Variants in ZEB1 observed in about 807,000 individuals in gnomAD.
The protein encoded by ZEB1 is zinc finger E-box-binding homeobox 1.
A neutral mutation model predicts 84.9 loss-of-function variants in ZEB1; 21 were observed. The observed-to-expected ratio is 0.25, with a 90% CI of 0.18 to 0.36. The LOEUF (loss-of-function observed/expected upper bound fraction) is 0.36, where lower values mean the gene tolerates loss of function less well. Among genes scored for constraint, ZEB1 ranks in the 10% least tolerant of loss-of-function variants. The probability of loss-of-function intolerance (pLI) is 1.00; values close to 1 mark genes in which losing one functional copy is unlikely to be tolerated. For synonymous variants in ZEB1, 420 were observed against 471.1 expected (o/e 0.89, Z 1.41); for missense variants, 1,104 against 1,330.2 (o/e 0.83, Z 2.65).
At chr10:31,463,799 G>A (rs1309694357) in intron 2 of ZEB1, among the ~76,000 whole-genome samples, 1 of 152,134 alleles carries the variant, frequency 6.6e-6, no homozygotes, top group Non-Finnish European at 1.5e-5. Flanking sequence ...TTGGCACCAG[G>A]CAGAAGTAAA....
intron 1 of ZEB1, chr10:31,320,653 T>A (rs1182141479): frequency 1.3e-5 from 2 of 152,010 alleles, no homozygotes; most frequent in East Asian, 1.9e-4. Flanking sequence ...GACCTGAACA[T>A]GTGGTGGTGG....
chr10:31,511,410 T>G (rs566519609), intron 5 of ZEB1, among the ~76,000 whole-genome samples: 14 of 152,284 alleles, frequency 9.2e-5, no homozygotes, highest in African/African-American at 3.1e-4. Context: ...GACTCAATTT[T>G]TATATGGTTT....
At chr10:31,367,316 G>A (rs1159340032) in intron 1 of ZEB1, among the ~76,000 whole-genome samples, 1 of 152,078 alleles carries the variant, frequency 6.6e-6, no homozygotes, top group East Asian at 1.9e-4. Context: ...CCCCAACTTT[G>A]GTGTGATACT....
intron 1 of ZEB1, among the ~76,000 whole-genome samples, chr10:31,422,719 G>A (rs553203743): frequency 5.3e-5 from 8 of 152,154 alleles, no homozygotes; most frequent in African/African-American, 1.9e-4. Context: ...GGTTTGCTAT[G>A]TGGATATATT....
chr10:31,517,210 G>T (rs982826575), intron 6 of ZEB1, among the ~76,000 whole-genome samples: 2 of 151,860 alleles, frequency 1.3e-5, no homozygotes, highest in East Asian at 1.9e-4. Context: ...TGAGAATCAG[G>T]ATCCAAAATT....
At chr10:31,349,801 A>T (rs986162130) in intron 1 of ZEB1, among the ~76,000 whole-genome samples, 9 of 151,952 alleles carry the variant, frequency 5.9e-5, no homozygotes, top group African/African-American at 1.9e-4. Flanking sequence ...AGCTTTTTAC[A>T]TGTTTTGGAT....
intron 1 of ZEB1, among the ~76,000 whole-genome samples, chr10:31,347,199 T>C (rs1590157082): frequency 6.6e-6 from 1 of 152,168 alleles, no homozygotes; most frequent in East Asian, 1.9e-4. Context: ...TTAAAGAAAC[T>C]AAAGCAATGT....
chr10:31,461,901 A>T (rs1442599481), intron 2 of ZEB1, among the ~76,000 whole-genome samples: 10 of 152,172 alleles, frequency 6.6e-5, no homozygotes, highest in Non-Finnish European at 1.5e-5. Flanking sequence ...AAACTAATTA[A>T]ATTATTTAGC....
intron 2 of ZEB1, among the ~76,000 whole-genome samples, chr10:31,486,840 A>G (rs890652253): frequency 6.6e-6 from 1 of 151,370 alleles, no homozygotes; most frequent in Non-Finnish European, 1.5e-5. Context: ...GCTTGGTGTC[A>G]TGTGCAGGAA....
rs551951004 is a variant in ZEB1 at position 31,441,086 on chromosome 10, C to T, written c.59-19951C>T. Among the ~76,000 whole-genome samples the T allele has an allele frequency of 7.2e-5, 11 of 152,216 alleles. No individual in the cohort carries two copies. In the East Asian group the frequency reaches 1.9e-3, roughly 27 times the overall value. ...AAGTTCATATGGAACCAAAAAAGAGCCCACATTGCCAAGACAATCCTAAGC... is the reference window on the plus strand; with the variant it reads ...AAGTTCATATGGAACCAAAAAAGAGTCCACATTGCCAAGACAATCCTAAGC... On this transcript the variant is annotated intron_variant, in intron 1 of 8. Coordinates refer to ENST00000424869, the MANE Select transcript of ZEB1 (RefSeq NM_001174096.2).
rs576743125 is a variant in ZEB1 at position 31,389,953 on chromosome 10, TTCAGA to T, written c.58+70664_58+70668del. Among the ~76,000 whole-genome samples, 375 of 152,200 alleles carry T rather than the reference TTCAGA, an allele frequency of 2.5e-3. 1 individual carries two copies. Among genetic ancestry groups the T allele is most frequent in the African/African-American group, 8.4e-3 (350 of 41,524 alleles). ...GGCTAGTAGGTACCATATTCCACAG[TTCAGA>T]TCTAGACAATGAGTGGAATTCTCAT... On this transcript the variant is annotated intron_variant, in intron 1 of 8. Transcript: ENST00000424869.
chr10:31,520,773 G>C lies in ZEB1; in HGVS notation c.1441G>C (p.Glu481Gln), dbSNP rs374398055. The C allele has an allele frequency of 4.6e-5, 74 of 1,613,838 alleles. No homozygotes were observed. The highest frequency in any genetic ancestry group is 3.2e-4 in the Admixed American group (19 of 59,972). The change falls in exon 7 of 9, where the codon GAG becomes CAG. Residue 481 changes from glutamate to glutamine, a missense_variant. This residue lies in a region of ZEB1 where 531 missense variants were observed against 575.2 expected (regional missense o/e 0.92). Coordinates refer to ENST00000424869, the MANE Select transcript of ZEB1 (RefSeq NM_001174096.2). This position sits in a 1 kb window ranked among gnomAD's most constrained non-coding sequence, Gnocchi z 5.1. The stretch of plus-strand genomic sequence containing the variant: ...CAAAATTATCATCAACTACAGTCTT[G>C]AGCAGCCTAGCCAACTTCAAGTTGT... ...TTKIIINYSL[E>Q]QPSQLQVVPQ...
At chr10:31,447,251 A>G (rs1440820996) in intron 1 of ZEB1, among the ~76,000 whole-genome samples, 1 of 150,134 alleles carries the variant, frequency 6.7e-6, no homozygotes, top group African/African-American at 2.5e-5. Flanking sequence ...GCCTTTTTTA[A>G]TTTTCCATTT....
intron 1 of ZEB1, among the ~76,000 whole-genome samples, chr10:31,456,685 C>T (rs2061279152): frequency 6.6e-6 from 1 of 152,020 alleles, no homozygotes; most frequent in African/African-American, 2.4e-5. Flanking sequence ...GCTACATAAC[C>T]TCAGACAGGC....
intron 1 of ZEB1, among the ~76,000 whole-genome samples, chr10:31,440,739 A>G (rs2058840845): frequency 6.6e-6 from 1 of 152,174 alleles, no homozygotes; most frequent in African/African-American, 2.4e-5. Flanking sequence ...GGGCAAAATC[A>G]CAAGCATTCT....
At chr10:31,440,623 G>C (rs1441059063) in intron 1 of ZEB1, among the ~76,000 whole-genome samples, 1 of 152,164 alleles carries the variant, frequency 6.6e-6, no homozygotes, top group Admixed American at 6.6e-5. Context: ...AATTGTCCCT[G>C]TTTGCAGATG....
At chr10:31,362,079 G>A (rs1248991522) in intron 1 of ZEB1, among the ~76,000 whole-genome samples, 1 of 149,996 alleles carries the variant, frequency 6.7e-6, no homozygotes, top group African/African-American at 2.5e-5. Flanking sequence ...CCCACACGGT[G>A]AGGAGGCCGG....
intron 1 of ZEB1, among the ~76,000 whole-genome samples, chr10:31,446,944 C>G (rs1448033040): frequency 1.3e-5 from 2 of 152,122 alleles, no homozygotes. Context: ...TGGTTCAGAG[C>G]TGAGTTCAAT....
chr10:31,485,729 A>G (rs2065652481), intron 2 of ZEB1, among the ~76,000 whole-genome samples: 1 of 151,506 alleles, frequency 6.6e-6, no homozygotes, highest in South Asian at 2.1e-4. Context: ...TTTTTTAATT[A>G]ACATACTATA....
Sources: allele counts gnomAD v4.1 joint callset (sites outside exome capture counted in the v4.1 genomes callset), GRCh38; gene constraint gnomAD v4.1.1; regional missense constraint gnomAD v4.1.1; non-coding constraint Gnocchi (gnomAD v3.1); transcripts MANE v1.5; gene names NCBI Gene and HGNC (gene_info 2026-07-23, HGNC 2026-07-21).